Variants in STXBP3 observed in about 807,000 individuals in gnomAD.
STXBP3 encodes syntaxin-binding protein 3.
Under a neutral mutation model 85.7 loss-of-function variants are expected in STXBP3, and 41 were observed. That is an observed-to-expected ratio of 0.48 (90% CI 0.37 to 0.62). STXBP3 has a LOEUF of 0.62. Among genes scored for constraint, STXBP3 ranks in the 20% least tolerant of loss-of-function variants. The pLI is 0.00. For synonymous variants in STXBP3, 229 were observed against 231.7 expected (o/e 0.99, Z 0.10); for missense variants, 563 against 703.1 (o/e 0.80, Z 2.25).
chr1:108,765,846 ATTTTTTTTTTTTT>A (rs1221460441), intron 6 of STXBP3, among the ~76,000 whole-genome samples: 3 of 74,026 alleles, frequency 4.1e-5, no homozygotes, highest in African/African-American at 1.8e-4. Context: ...TGCTCCCGGC[ATTTTTTTTTTTTT>A]TTTTTTTTTT....
intron 6 of STXBP3, among the ~76,000 whole-genome samples, chr1:108,771,029 G>A (rs1234861301): frequency 6.6e-6 from 1 of 151,930 alleles, no homozygotes; most frequent in Non-Finnish European, 1.5e-5. Context: ...ATGGGTTAAG[G>A]TTTATAATTT....
At position 108,746,751 on chromosome 1, in the gene STXBP3, T is replaced by A. The variant is rs1661789473; in HGVS notation, c.14T>A (p.Val5Glu). 1 of 1,550,056 alleles carries A rather than the reference T, an allele frequency of 6.5e-7. No individual in the cohort carries two copies. Among genetic ancestry groups the A allele is most frequent in the South Asian group, 1.2e-5 (1 of 84,034 alleles). The stretch of plus-strand genomic sequence containing the variant: ...AGTGTCGGGAAGATGGCGCCGCCGG[T>A]GGCAGAGAGGGGGCTAAAGAGCGTC... MAPPVAERGLKSVVW... is the reference protein window; with the variant it reads MAPPEAERGLKSVVW... The change falls in exon 1 of 19, where the codon GTG (valine) becomes GAG (glutamate). Residue 5 changes from valine (V) to glutamate (E), a missense_variant. Around this residue, in one of 3 missense-constraint regions of STXBP3, gnomAD observed 37 missense variants for 39.7 expected, o/e 0.93. Transcript: ENST00000370008.
At chr1:108,768,117 G>A (rs980038486) in intron 6 of STXBP3, among the ~76,000 whole-genome samples, 27 of 152,180 alleles carry the variant, frequency 1.8e-4, no homozygotes, top group African/African-American at 6.0e-4. Context: ...GCCACAAAAG[G>A]AGGGAGATTC....
At chr1:108,755,372 G>C (rs1334848583) in intron 3 of STXBP3, among the ~76,000 whole-genome samples, 1 of 152,046 alleles carries the variant, frequency 6.6e-6, no homozygotes, top group African/African-American at 2.4e-5. Context: ...GCTTGAGCCA[G>C]GGAAGTCAAG....
chr1:108,808,767 T>C lies in STXBP3; in HGVS notation c.1685-16T>C, dbSNP rs991896101. 6.2e-7 allele frequency: 1 copy of C among 1,600,012 alleles called. No homozygotes were observed. Among genetic ancestry groups the C allele is most frequent in the Non-Finnish European group, 8.6e-7 (1 of 1,169,496 alleles). On this transcript the variant is annotated splice_polypyrimidine_tract_variant and intron_variant, in intron 18 of 18. Transcript: ENST00000370008. Reference sequence around the variant, plus strand: ...TTAACTGCTGGCCTCTGAAAAATTCTCTTTTCTCCTACCAGGTTCTACACA... The same window carrying C: ...TTAACTGCTGGCCTCTGAAAAATTCCCTTTTCTCCTACCAGGTTCTACACA...
chr1:108,770,662 T>C (rs1230954192), intron 6 of STXBP3, among the ~76,000 whole-genome samples: 2 of 152,218 alleles, frequency 1.3e-5, no homozygotes, highest in Non-Finnish European at 2.9e-5. Flanking sequence ...TGTTTATTAC[T>C]TGCCTACTTT....
chr1:108,746,883 C>T, intron 1 of STXBP3, 97 bp downstream of exon 1: 5 of 1,219,326 alleles, frequency 4.1e-6, no homozygotes, highest in Non-Finnish European at 5.8e-6. Flanking sequence ...TGTTGAGGAG[C>T]CGCCGCGAGC....
chr1:108,800,191 T>G, intron 16 of STXBP3, 29 bp from the exon 17 acceptor site: 1 of 1,509,986 alleles, frequency 6.6e-7, no homozygotes, highest in Non-Finnish European at 9.2e-7. Flanking sequence ...TACAATTTTA[T>G]TGATGGAATT....
chr1:108,756,434 T>C (rs1052295016), intron 3 of STXBP3, among the ~76,000 whole-genome samples: 7 of 152,124 alleles, frequency 4.6e-5, no homozygotes, highest in South Asian at 4.1e-4. Context: ...AAATGAATTA[T>C]TAATTTAAGA....
At chr1:108,750,738 A>G (rs1661881975) in intron 1 of STXBP3, among the ~76,000 whole-genome samples, 1 of 152,160 alleles carries the variant, frequency 6.6e-6, no homozygotes. Flanking sequence ...TTCACTTCAA[A>G]TGCCAGTACC....
intron 17 of STXBP3, among the ~76,000 whole-genome samples, chr1:108,804,571 G>T (rs1440842738): frequency 6.6e-6 from 1 of 152,132 alleles, no homozygotes; most frequent in African/African-American, 2.4e-5. Context: ...TTGTAATTTT[G>T]AATGCTGAGT....
At chr1:108,763,945 T>A (rs1009251440) in intron 6 of STXBP3, among the ~76,000 whole-genome samples, 2 of 152,244 alleles carry the variant, frequency 1.3e-5, no homozygotes, top group Non-Finnish European at 2.9e-5. Context: ...GGTAAACTCA[T>A]GTCAAGGGGG....
At chr1:108,805,528 G>A (rs1557817228) in intron 17 of STXBP3, among the ~76,000 whole-genome samples, 1 of 150,648 alleles carries the variant, frequency 6.6e-6, no homozygotes, top group Non-Finnish European at 1.5e-5. Flanking sequence ...AGGTTCAAGC[G>A]ATTCTTCTGC....
chr1:108,782,779 T>C, intron 11 of STXBP3, 73 bp downstream of exon 11: 3 of 1,358,434 alleles, frequency 2.2e-6, no homozygotes, highest in Non-Finnish European at 3.0e-6. Context: ...CTTTATTTTA[T>C]TTCTGTAACT....
intron 13 of STXBP3, 79 bp from the exon 14 acceptor site, chr1:108,796,155 A>G (rs1570772038): frequency 6.7e-7 from 1 of 1,491,796 alleles, no homozygotes; most frequent in Non-Finnish European, 9.1e-7. Flanking sequence ...GAGCCACTGT[A>G]CCCAGCCAAT....
At chr1:108,768,629 C>G (rs1335303029) in intron 6 of STXBP3, among the ~76,000 whole-genome samples, 1 of 152,082 alleles carries the variant, frequency 6.6e-6, no homozygotes, top group Non-Finnish European at 1.5e-5. Context: ...GTAGGAGGCT[C>G]CTGGTTCTAC....
intron 6 of STXBP3, among the ~76,000 whole-genome samples, chr1:108,769,972 T>G (rs1226161244): frequency 6.6e-6 from 1 of 152,162 alleles, no homozygotes; most frequent in African/African-American, 2.4e-5. Context: ...AAGCTTCTGC[T>G]GGGAAGTGGC....
chr1:108,750,473 A>G (rs1277027), intron 1 of STXBP3, among the ~76,000 whole-genome samples: 107,085 of 151,990 alleles, frequency 0.7, 38,717 homozygotes, highest in Non-Finnish European at 0.77. Context: ...CTCAATCACA[A>G]TACAACCTTC....
intron 1 of STXBP3, among the ~76,000 whole-genome samples, chr1:108,751,612 AGT>A (rs1275831275): frequency 6.6e-6 from 1 of 152,132 alleles, no homozygotes; most frequent in Non-Finnish European, 1.5e-5. Flanking sequence ...AATAAAACAT[AGT>A]GTGGGAAATT....
Sources: gnomAD v4.1 joint callset for allele counts (sites outside exome capture counted in the v4.1 genomes callset) on GRCh38, gnomAD v4.1.1 for gene constraint, gnomAD v4.1.1 regional missense constraint, MANE v1.5 for transcripts, NCBI Gene and HGNC (gene_info 2026-07-23, HGNC 2026-07-21) for gene names.